Variants in ERC2 observed in about 807,000 individuals in gnomAD.
ERC2 encodes the protein ELKS/RAB6-interacting/CAST family member 2.
Under a neutral mutation model 114.8 loss-of-function variants are expected in ERC2, and 42 were observed. The ratio of observed to expected loss-of-function variants is 0.37; its 90% CI spans 0.29 to 0.47. The LOEUF (loss-of-function observed/expected upper bound fraction) is 0.47, where lower values mean the gene tolerates loss of function less well. Among genes scored for constraint, ERC2 ranks in the 20% least tolerant of loss-of-function variants. The pLI, the probability that ERC2 is intolerant of heterozygous loss-of-function variation, is 0.99. For synonymous variants in ERC2, 454 were observed against 425.5 expected, an observed-to-expected ratio of 1.07 and a Z score of -0.82; for missense variants, 939 against 1,150.7, an observed-to-expected ratio of 0.82 and a Z score of 2.66.
intron 2 of ERC2, among the ~76,000 whole-genome samples, chr3:56,389,088 T>C (rs780847881): frequency 1.6e-4 from 25 of 152,232 alleles, no homozygotes; most frequent in African/African-American, 5.3e-4. Flanking sequence ...GAACAAAGAA[T>C]AGCTCACTTT....
At chr3:55,919,684 A>G (rs2065303182) in intron 13 of ERC2, among the ~76,000 whole-genome samples, 1 of 152,196 alleles carries the variant, frequency 6.6e-6, no homozygotes, top group African/African-American at 2.4e-5. Context: ...AGAGTGCTAA[A>G]GAGAATAATA....
At chr3:55,711,953 C>T (rs1019979429) in intron 15 of ERC2, among the ~76,000 whole-genome samples, 2 of 152,212 alleles carry the variant, frequency 1.3e-5, no homozygotes, top group African/African-American at 4.8e-5. Flanking sequence ...CAACATCCAG[C>T]CTGTACCTCT....
At chr3:56,219,187 T>A (rs1369679752) in intron 3 of ERC2, among the ~76,000 whole-genome samples, 2 of 152,138 alleles carry the variant, frequency 1.3e-5, no homozygotes, top group African/African-American at 2.4e-5. Context: ...CCGTGTACAC[T>A]GCTTGGGTGA....
At chr3:55,863,741 A>G (rs1232911555) in intron 14 of ERC2, among the ~76,000 whole-genome samples, 1 of 152,158 alleles carries the variant, frequency 6.6e-6, no homozygotes, top group Non-Finnish European at 1.5e-5. Flanking sequence ...AATTAATATT[A>G]ATATTTTTAT....
intron 17 of ERC2, among the ~76,000 whole-genome samples, chr3:55,590,888 G>A (rs1006445671): frequency 1.3e-5 from 2 of 152,112 alleles, no homozygotes; most frequent in Non-Finnish European, 2.9e-5. Flanking sequence ...GAGTGCAATG[G>A]TGCTATCTCA....
At chr3:56,194,370 C>A (rs757056523) in intron 3 of ERC2, among the ~76,000 whole-genome samples, 1 of 152,088 alleles carries the variant, frequency 6.6e-6, no homozygotes, top group Non-Finnish European at 1.5e-5. Context: ...CGGCGAGGCC[C>A]GATCCAATGA....
At chr3:56,233,724 T>G (rs1479520311) in intron 3 of ERC2, among the ~76,000 whole-genome samples, 4 of 152,206 alleles carry the variant, frequency 2.6e-5, no homozygotes, top group African/African-American at 9.7e-5. Context: ...GCTGCATTCC[T>G]TGTGAAGGCT....
chr3:56,222,848 G>T (rs1409112644), intron 3 of ERC2, among the ~76,000 whole-genome samples: 1 of 152,288 alleles, frequency 6.6e-6, no homozygotes, highest in African/African-American at 2.4e-5. Context: ...ATGTGAAATG[G>T]AAAAAAGGAG....
At chr3:56,130,297 C>T (rs1382953309) in intron 6 of ERC2, among the ~76,000 whole-genome samples, 1 of 152,160 alleles carries the variant, frequency 6.6e-6, no homozygotes, top group African/African-American at 2.4e-5. Context: ...ATCTCCTAGG[C>T]TCTACTTTCT....
chr3:56,380,801 T>C (rs976761220), intron 2 of ERC2, among the ~76,000 whole-genome samples: 20 of 152,174 alleles, frequency 1.3e-4, no homozygotes, highest in Admixed American at 1.2e-3. Context: ...ATCAAACACA[T>C]GGGAAACAGA....
intron 15 of ERC2, among the ~76,000 whole-genome samples, chr3:55,726,997 T>C (rs199770236): frequency 6.6e-6 from 1 of 152,366 alleles, no homozygotes; most frequent in East Asian, 1.9e-4. Context: ...TAAAAAGGCA[T>C]GTTCATCAAG....
chr3:55,638,818 C>T (rs1261993823), intron 17 of ERC2, among the ~76,000 whole-genome samples: 1 of 152,202 alleles, frequency 6.6e-6, no homozygotes, highest in African/African-American at 2.4e-5. Context: ...GAAAACTTTA[C>T]GCATTGTTCT....
intron 14 of ERC2, among the ~76,000 whole-genome samples, chr3:55,885,447 C>G (rs184259053): frequency 4.6e-5 from 7 of 152,258 alleles, no homozygotes. Context: ...GGCTTCTAGG[C>G]CAGTTAAATA....
chr3:56,016,677 C>G (rs1221947702), intron 8 of ERC2, among the ~76,000 whole-genome samples: 1 of 151,972 alleles, frequency 6.6e-6, no homozygotes, highest in South Asian at 2.1e-4. Context: ...AGAAGAGAAG[C>G]CTCCTTTAGG....
chr3:56,077,129 G>A (rs1344592198), intron 7 of ERC2, among the ~76,000 whole-genome samples: 1 of 152,142 alleles, frequency 6.6e-6, no homozygotes, highest in East Asian at 1.9e-4. Context: ...GCTCCAAGGA[G>A]TCTCCAGACT....
At chr3:56,405,159 G>C (rs1169641852) in intron 2 of ERC2, among the ~76,000 whole-genome samples, 1 of 152,160 alleles carries the variant, frequency 6.6e-6, no homozygotes, top group Admixed American at 6.5e-5. Context: ...AAGAATGGAT[G>C]GAGGCCAGGC....
At chr3:55,832,754 C>T (rs933015881) in intron 14 of ERC2, among the ~76,000 whole-genome samples, 21 of 152,274 alleles carry the variant, frequency 1.4e-4, no homozygotes, top group East Asian at 5.8e-4. Context: ...CAAAGCTGGA[C>T]GGAGAATAAC....
rs1055775651 is a variant in ERC2, at chr3:55,645,473, C to G, written c.*39+38321G>C. Reference sequence around the variant, plus strand: ...ATTGGCTTTTCTTTTTAATTGATAACAAGTTATCTTCTTTTGTTAAGGAAT... The same window carrying G: ...ATTGGCTTTTCTTTTTAATTGATAAGAAGTTATCTTCTTTTGTTAAGGAAT... On this transcript the variant is annotated intron_variant, in intron 17 of 17. Coordinates refer to ENST00000288221, the MANE Select transcript of ERC2 (RefSeq NM_015576.3). Among the ~76,000 whole-genome samples the G allele has an allele frequency of 4.6e-5, 7 of 152,320 alleles. No individual in the cohort carries two copies. In the South Asian group the frequency reaches 1.5e-3, roughly 32 times the overall value.
At chr3:56,256,302 G>T (rs11130506) in intron 3 of ERC2, among the ~76,000 whole-genome samples, 1 of 152,012 alleles carries the variant, frequency 6.6e-6, no homozygotes, top group Non-Finnish European at 1.5e-5. Context: ...ATTTCCAACA[G>T]GTGATTAAAA....
Sources: gnomAD v4.1 joint callset for allele counts (sites outside exome capture counted in the v4.1 genomes callset) on GRCh38, gnomAD v4.1.1 for gene constraint, MANE v1.5 for transcripts, NCBI Gene and HGNC (gene_info 2026-07-23, HGNC 2026-07-21) for gene names.